Variants in PGPEP1L observed in about 807,000 individuals in gnomAD.
The protein encoded by PGPEP1L is pyroglutamyl-peptidase I like.
In PGPEP1L, 7 loss-of-function variants were observed where a neutral mutation model predicts 6.0. The ratio of observed to expected loss-of-function variants is 1.17; its 90% CI spans 0.66 to 2.19. PGPEP1L has a LOEUF of 2.19. Among genes scored for constraint, PGPEP1L ranks in the 30% most tolerant of loss-of-function variants. PGPEP1L has a pLI of 0.00. For synonymous variants in PGPEP1L, 103 were observed against 83.9 expected (o/e 1.23, Z -1.24); for missense variants, 209 against 192.5 (o/e 1.09, Z -0.51).
intron 2 of PGPEP1L, among the ~76,000 whole-genome samples, chr15:98,973,337 T>G (rs996745843): frequency 6.6e-6 from 1 of 152,200 alleles, no homozygotes; most frequent in African/African-American, 2.4e-5. Flanking sequence ...ACATTACAGT[T>G]AAACTGCACT....
At chr15:99,000,856 C>T (rs1051088838) in intron 2 of PGPEP1L, among the ~76,000 whole-genome samples, 1 of 152,126 alleles carries the variant, frequency 6.6e-6, no homozygotes, top group Non-Finnish European at 1.5e-5. Flanking sequence ...CTCGGGTCCC[C>T]TTCCACACTG....
At position 98,968,614 on chromosome 15, in the gene PGPEP1L, C is replaced by T. The variant is rs778101933; in HGVS notation, c.293G>A (p.Arg98His). Reference protein sequence around the residue: ...AALIHVPPLSRGLPASLLGRA... With the variant: ...AALIHVPPLSHGLPASLLGRA... ...TCCCAGCAGGCTGGCCGGGAGCCCG[C>T]GCGATAGTGGAGGGACATGGATGAG... Residue 98 changes from arginine to histidine, a missense_variant, in exon 5 of 5, where the codon CGC becomes CAC. Physicochemically the swap from Arg to His is conservative, Grantham distance 29. Transcript: ENST00000535714. The T allele has an allele frequency of 8.7e-6, 14 of 1,605,908 alleles. No individual in the cohort carries two copies. Among genetic ancestry groups the T allele is most frequent in the East Asian group, 2.2e-5 (1 of 44,640 alleles).
At chr15:98,971,193 A>AG in intron 2 of PGPEP1L, 35 bp from the exon 3 acceptor site, 1 of 400,430 alleles carries the variant, frequency 2.5e-6, no homozygotes, top group African/African-American at 1.2e-4. Flanking sequence ...GCCTCAGTTG[A>AG]TGGGGGGGGG....
At chr15:98,992,660 C>G (rs571098583) in intron 2 of PGPEP1L, among the ~76,000 whole-genome samples, 1 of 152,196 alleles carries the variant, frequency 6.6e-6, no homozygotes, top group African/African-American at 2.4e-5. Flanking sequence ...GCAAAAAGAT[C>G]AAAGCTGGAG....
At chr15:98,999,744 A>G (rs1487894544) in intron 2 of PGPEP1L, among the ~76,000 whole-genome samples, 1 of 152,254 alleles carries the variant, frequency 6.6e-6, no homozygotes, top group Non-Finnish European at 1.5e-5. Flanking sequence ...TCAGCAGTGG[A>G]AGAGAGAAGT....
intron 2 of PGPEP1L, among the ~76,000 whole-genome samples, chr15:98,984,671 C>T (rs1310240406): frequency 6.6e-6 from 1 of 152,024 alleles, no homozygotes; most frequent in Non-Finnish European, 1.5e-5. Flanking sequence ...TCAGTGGGTA[C>T]TACGAATGAG....
chr15:98,969,370 G>A, intron 4 of PGPEP1L, 55 bp downstream of exon 4: 13 of 1,601,656 alleles, frequency 8.1e-6, no homozygotes, highest in Middle Eastern at 1.7e-4. Context: ...GGGGGACGCT[G>A]ACGGCCATTG....
At chr15:98,995,352 A>C (rs2017873497) in intron 2 of PGPEP1L, among the ~76,000 whole-genome samples, 1 of 152,148 alleles carries the variant, frequency 6.6e-6, no homozygotes, top group African/African-American at 2.4e-5. Flanking sequence ...TGTATATCTA[A>C]TCTGTCTTTA....
intron 2 of PGPEP1L, among the ~76,000 whole-genome samples, chr15:98,976,539 G>C (rs1374080806): frequency 6.6e-6 from 1 of 152,212 alleles, no homozygotes; most frequent in African/African-American, 2.4e-5. Context: ...AATGTCTCAG[G>C]ACTTGAGGTG....
At chr15:99,004,935 G>C (rs2018027624) in intron 2 of PGPEP1L, among the ~76,000 whole-genome samples, 1 of 151,850 alleles carries the variant, frequency 6.6e-6, no homozygotes, top group Non-Finnish European at 1.5e-5. Flanking sequence ...CTGAAAAATG[G>C]AAGTTCTTAC....
chr15:98,973,113 C>A (rs1169703842), intron 2 of PGPEP1L, among the ~76,000 whole-genome samples: 1 of 151,976 alleles, frequency 6.6e-6, no homozygotes, highest in Non-Finnish European at 1.5e-5. Flanking sequence ...AAAAAGGACA[C>A]AGAAGAACAT....
chr15:98,995,576 A>G (rs940985213), intron 2 of PGPEP1L, among the ~76,000 whole-genome samples: 4 of 152,118 alleles, frequency 2.6e-5, no homozygotes, highest in African/African-American at 9.7e-5. Flanking sequence ...CATGCCTGTA[A>G]TCCCAGCTAC....
intron 2 of PGPEP1L, among the ~76,000 whole-genome samples, chr15:98,983,196 T>C (rs1346010844): frequency 6.6e-6 from 1 of 152,106 alleles, no homozygotes; most frequent in Non-Finnish European, 1.5e-5. Context: ...AACAATTTTC[T>C]TTCACTTGGA....
At position 98,982,796 on chromosome 15, in the gene PGPEP1L, C is replaced by T. The variant is rs75799240; in HGVS notation, c.-141-11638G>A. ...CATGATCTTGGCTCACTGCAACCTC[C>T]GCCTCCCGGGTTTGAGTAATTCTCA... On this transcript the variant is annotated intron_variant, in intron 2 of 4. Transcript: ENST00000535714. 5.5e-3 allele frequency among the ~76,000 whole-genome samples: 816 copies of T among 148,982 alleles called. 9 individuals carry two copies. The highest frequency in any genetic ancestry group is 0.019 in the African/African-American group (771 of 40,774).
chr15:98,974,462 A>T (rs1350161031), intron 2 of PGPEP1L, among the ~76,000 whole-genome samples: 1 of 152,198 alleles, frequency 6.6e-6, no homozygotes, highest in African/African-American at 2.4e-5. Context: ...TAAAAAACCT[A>T]AACAGATCAA....
chr15:98,999,633 G>A (rs1555472763), intron 2 of PGPEP1L, among the ~76,000 whole-genome samples: 1 of 152,166 alleles, frequency 6.6e-6, no homozygotes, highest in African/African-American at 2.4e-5. Context: ...AACGTTCATA[G>A]AAGCTTTATT....
intron 2 of PGPEP1L, among the ~76,000 whole-genome samples, chr15:98,980,232 C>T (rs2017638444): frequency 6.6e-6 from 1 of 152,098 alleles, no homozygotes; most frequent in South Asian, 2.1e-4. Context: ...ACTTTTAATA[C>T]AGCTAAACAC....
rs191545186 is a variant in PGPEP1L at position 98,993,706 on chromosome 15, G to A, written c.-142+11723C>T. Among the ~76,000 whole-genome samples, 201 of 152,070 alleles carry A rather than the reference G, an allele frequency of 1.3e-3. 1 individual carries two copies. Among genetic ancestry groups the A allele is most frequent in the African/African-American group, 4.6e-3 (190 of 41,482 alleles). ...GGGGGTGGGGGAGGGATAGCATTAG[G>A]AGAAATACCTAATATAGATGATGGG... On this transcript the variant is annotated intron_variant, in intron 2 of 4. Transcript: ENST00000535714.
intron 2 of PGPEP1L, among the ~76,000 whole-genome samples, chr15:98,982,318 C>G (rs975004743): frequency 1.3e-5 from 2 of 152,050 alleles, no homozygotes; most frequent in East Asian, 1.9e-4. Flanking sequence ...GGCTCTTTGC[C>G]ATGGACTCAC....
Sources: gnomAD v4.1 joint callset for allele counts (sites outside exome capture counted in the v4.1 genomes callset) on GRCh38, gnomAD v4.1.1 for gene constraint, MANE v1.5 for transcripts, NCBI Gene and HGNC (gene_info 2026-07-23, HGNC 2026-07-21) for gene names.